The following LARP1B variants were observed in gnomAD, a reference collection of about 807,000 sequenced individuals.
The protein encoded by LARP1B is La ribonucleoprotein 1B.
Under a neutral mutation model 114.2 loss-of-function variants are expected in LARP1B, and 76 were observed. The observed-to-expected ratio is 0.67, with a 90% CI of 0.55 to 0.81. The LOEUF (loss-of-function observed/expected upper bound fraction) is 0.81. LARP1B is among the 30% of genes least tolerant of loss of function. LARP1B has a pLI of 0.00. For missense variants in LARP1B, 1,014 were observed against 1,075.8 expected (o/e 0.94, Z 0.80); for synonymous variants, 345 against 348.0 (o/e 0.99, Z 0.10).
intron 10 of LARP1B, 126 bp from the exon 11 acceptor site, chr4:128,121,700 G>A: frequency 8.0e-6 from 5 of 622,854 alleles, no homozygotes; most frequent in Non-Finnish European, 1.3e-5. Flanking sequence ...TTCTTTTACA[G>A]TTTGGCTGTT....
chr4:128,178,130 A>G (rs1581333205), intron 13 of LARP1B, among the ~76,000 whole-genome samples: 1 of 150,892 alleles, frequency 6.6e-6, no homozygotes, highest in African/African-American at 2.4e-5. Context: ...CAAAATTCCA[A>G]TTTAAGAGGC....
chr4:128,069,505 G>C lies in LARP1B; in HGVS notation c.-77-4955G>C. 4.0e-6 allele frequency: 3 copies of C among 750,720 alleles called. No individual in the cohort carries two copies. In the South Asian group the frequency reaches 4.1e-5, roughly 10 times the overall value. 46.5% of individuals were successfully genotyped at this position (750,720 alleles called of 1,614,324 possible). On this transcript the variant is annotated intron_variant, in intron 1 of 19. Coordinates refer to ENST00000326639, the MANE Select transcript of LARP1B (RefSeq NM_018078.4). Reference sequence around the variant, plus strand: ...TGGTGCGCTTTATCAAGCCAGATGGGGTGGGGAGCCCTGTGGAGAGCAGAG... The same window carrying C: ...TGGTGCGCTTTATCAAGCCAGATGGCGTGGGGAGCCCTGTGGAGAGCAGAG...
chr4:128,144,211 G>T (rs949061981), intron 11 of LARP1B, among the ~76,000 whole-genome samples: 2 of 152,068 alleles, frequency 1.3e-5, no homozygotes, highest in African/African-American at 4.8e-5. Context: ...TTGTATTCTT[G>T]TCCCCTTGTA....
intron 12 of LARP1B, among the ~76,000 whole-genome samples, chr4:128,163,378 A>G (rs1176297391): frequency 1.3e-5 from 2 of 152,172 alleles, no homozygotes; most frequent in Admixed American, 6.5e-5. Flanking sequence ...AATATGTCAT[A>G]TGTAGTATTG....
intron 5 of LARP1B, among the ~76,000 whole-genome samples, chr4:128,083,616 G>A (rs1401492875): frequency 5.4e-5 from 8 of 147,524 alleles, no homozygotes; most frequent in African/African-American, 2.0e-4. Context: ...CTGGCCGGGC[G>A]GGGTGCTGAC....
intron 8 of LARP1B, among the ~76,000 whole-genome samples, chr4:128,099,796 A>T (rs559404092): frequency 1.7e-4 from 26 of 152,186 alleles, no homozygotes; most frequent in South Asian, 6.2e-4. Context: ...TAGTAAGTAT[A>T]TGCCTATCTT....
intron 11 of LARP1B, among the ~76,000 whole-genome samples, chr4:128,142,035 A>G (rs547473651): frequency 8.9e-4 from 136 of 152,346 alleles, no homozygotes; most frequent in African/African-American, 3.2e-3. Flanking sequence ...GCAGACAGAA[A>G]CAATAGCTTC....
rs559350131 is a variant in LARP1B at position 128,108,114 on chromosome 4, G to A, written c.988+801G>A. 3 of 1,349,394 alleles carry A rather than the reference G, an allele frequency of 2.2e-6. No homozygotes were observed. In the Admixed American group the frequency reaches 1.0e-4, roughly 47 times the overall value. The allele number at this position is 1,349,394 out of a possible 1,614,324, so 83.6% of individuals were successfully genotyped here. ...TTGCGATAATGAGAGACAGACCAGA[G>A]GACTGCTACTCTTTTTATAGGAGCT... On this transcript the variant is annotated intron_variant, in intron 9 of 19. Coordinates refer to ENST00000326639, the MANE Select transcript of LARP1B (RefSeq NM_018078.4).
intron 4 of LARP1B, among the ~76,000 whole-genome samples, chr4:128,078,593 T>G (rs1240318758): frequency 6.6e-6 from 1 of 151,286 alleles, no homozygotes; most frequent in Non-Finnish European, 1.5e-5. Context: ...AGTGCAAGAC[T>G]GTCTCAAAAA....
intron 10 of LARP1B, among the ~76,000 whole-genome samples, chr4:128,118,301 G>A (rs1332043974): frequency 4.3e-5 from 6 of 138,864 alleles, no homozygotes; most frequent in Middle Eastern, 4.4e-3. Context: ...GCGCGATCTC[G>A]GCTCCCTGCA....
At chr4:128,204,649 C>CT (rs1461367458) in intron 17 of LARP1B, among the ~76,000 whole-genome samples, 1 of 149,628 alleles carries the variant, frequency 6.7e-6, no homozygotes, top group Non-Finnish European at 1.5e-5. Flanking sequence ...GAGTAAAACT[C>CT]TGTCTCAAAA....
intron 9 of LARP1B, among the ~76,000 whole-genome samples, chr4:128,111,452 C>A (rs996121588): frequency 1.3e-5 from 2 of 151,912 alleles, no homozygotes; most frequent in Non-Finnish European, 2.9e-5. Context: ...ATAATCGCAG[C>A]GCTTTAGAGA....
At chr4:128,213,927 C>T (rs1185468265), downstream of LARP1B, among the ~76,000 whole-genome samples, 11 of 151,744 alleles carry the variant, frequency 7.2e-5, no homozygotes, top group Admixed American at 2.0e-4. Context: ...AGACAGTGGG[C>T]GCAGGCCAGT....
downstream of LARP1B, among the ~76,000 whole-genome samples, chr4:128,216,551 A>G (rs972052230): frequency 4.5e-3 from 668 of 150,112 alleles, 3 homozygotes; most frequent in Non-Finnish European, 6.7e-3. Flanking sequence ...ACTACTGGGT[A>G]CATAACGAAA....
chr4:128,133,798 G>A (rs1030348181), intron 11 of LARP1B, among the ~76,000 whole-genome samples: 62 of 152,262 alleles, frequency 4.1e-4, no homozygotes, highest in South Asian at 1.9e-3. Flanking sequence ...CCAGGTTCAA[G>A]TGATTCTCCT....
At chr4:128,106,237 T>A (rs1246452691) in intron 8 of LARP1B, among the ~76,000 whole-genome samples, 1 of 152,106 alleles carries the variant, frequency 6.6e-6, no homozygotes, top group East Asian at 1.9e-4. Flanking sequence ...TTGGCCAAGA[T>A]GGTCTCAATC....
chr4:128,065,252 A>AATTT (rs1491392130), intron 1 of LARP1B, among the ~76,000 whole-genome samples: 168 of 108,986 alleles, frequency 1.5e-3, no homozygotes, highest in African/African-American at 3.8e-3. Flanking sequence ...TCCCACAATT[A>AATTT]ATTTCTTTCT....
intron 11 of LARP1B, among the ~76,000 whole-genome samples, chr4:128,129,218 G>A (rs944519419): frequency 4.2e-5 from 6 of 143,932 alleles, no homozygotes; most frequent in African/African-American, 7.9e-5. Context: ...AGCCGTGCGT[G>A]GTGGCGCGTG....
rs1355596194 is a variant in LARP1B at position 128,108,897 on chromosome 4, AATC to A, written c.988+1587_988+1589del. On this transcript the variant is annotated intron_variant, in intron 9 of 19. Transcript: ENST00000326639. ...CATACTAATAAAATTATAAGAATAA[AATC>A]ATAATGTTGTACATTTTTGTGTTTT... 42 of 932,322 alleles carry A rather than the reference AATC, an allele frequency of 4.5e-5. No homozygotes were observed. In the East Asian group the frequency reaches 1.3e-3, roughly 29 times the overall value. 57.8% of individuals were successfully genotyped at this position (932,322 alleles called of 1,614,324 possible).
Sources: allele counts gnomAD v4.1 joint callset (sites outside exome capture counted in the v4.1 genomes callset), GRCh38; gene constraint gnomAD v4.1.1; transcripts MANE v1.5; gene names NCBI Gene and HGNC (gene_info 2026-07-23, HGNC 2026-07-21).